Variants in CDHR2 observed in about 807,000 individuals in gnomAD.
CDHR2 encodes the protein cadherin related family member 2.
In CDHR2, 104 loss-of-function variants were observed where a neutral mutation model predicts 138.6. The ratio of observed to expected loss-of-function variants is 0.75; its 90% CI spans 0.64 to 0.88. The LOEUF is 0.88. Ranked by LOEUF, CDHR2 falls within the 40% of genes least tolerant of loss-of-function variation. The pLI, the probability that CDHR2 is intolerant of heterozygous loss-of-function variation, is 0.00. For synonymous variants in CDHR2, 755 were observed against 742.8 expected (o/e 1.02, Z -0.27); for missense variants, 1,624 against 1,727.6 (o/e 0.94, Z 1.06).
At chr5:176,568,571 C>T (rs1758133852) in intron 3 of CDHR2, 107 bp from the exon 4 acceptor site, 2 of 1,293,382 alleles carry the variant, frequency 1.5e-6, no homozygotes, top group South Asian at 1.4e-5. Flanking sequence ...CAAGTCAAGC[C>T]TGTGTACAGG....
At chr5:176,567,884 C>G (rs1016731932) in intron 3 of CDHR2, among the ~76,000 whole-genome samples, 1 of 152,250 alleles carries the variant, frequency 6.6e-6, no homozygotes, top group Non-Finnish European at 1.5e-5. Flanking sequence ...CCATCTCAGC[C>G]TCCCGGAGTG....
Position 176,576,746 on chromosome 5 carries a change from T to G in CDHR2, c.1194+561T>G, listed in dbSNP as rs1758391835. On this transcript the variant is annotated intron_variant, in intron 12 of 31. Transcript: ENST00000261944. The surrounding 1 kb of genome is among the most constrained non-coding windows in gnomAD (Gnocchi z 4.5). ...TGTGCACCACCTCGCCCAGCTAATTTTTGTGTTTTTAGTAGAGATGGAGTT... is the reference window on the plus strand; with the variant it reads ...TGTGCACCACCTCGCCCAGCTAATTGTTGTGTTTTTAGTAGAGATGGAGTT... Among the ~76,000 whole-genome samples, 1 of 151,886 alleles carries G rather than the reference T, an allele frequency of 6.6e-6. No individual in the cohort carries two copies. The highest frequency in any genetic ancestry group is 2.1e-4 in the South Asian group (1 of 4,814).
At chr5:176,568,926 C>T in intron 4 of CDHR2, 34 bp from the exon 5 acceptor site, 1 of 1,613,146 alleles carries the variant, frequency 6.2e-7, no homozygotes, top group Non-Finnish European at 8.5e-7. Context: ...CCAGCGGGGG[C>T]TCACCACCGG....
Position 176,590,265 on chromosome 5 carries a change from C to T in CDHR2, c.3288C>T (p.His1096=), listed in dbSNP as rs753118943. 3.7e-6 allele frequency: 6 copies of T among 1,614,088 alleles called. No individual in the cohort carries two copies. The Admixed American group carries it at 1.0e-4, about 27-fold the overall frequency. Reference sequence around the variant, plus strand: ...TGTCCCGCTCCAGGGCCCGACCTCACTCCTACCTCGATGCCTACTTTGTCT... The same window carrying T: ...TGTCCCGCTCCAGGGCCCGACCTCATTCCTACCTCGATGCCTACTTTGTCT... ...DIDSAARARP[H]SYLDAYFVFP... The change falls in exon 26 of 32, where the codon CAC becomes CAT. Residue 1096 remains histidine (H), a synonymous_variant. Transcript: ENST00000261944.
chr5:176,591,556 GTGTTGGTGGTGATGA>G (rs1758847349), intron 30 of CDHR2, 72 bp downstream of exon 30: 2 of 1,118,046 alleles, frequency 1.8e-6, no homozygotes, highest in Non-Finnish European at 1.4e-6. Context: ...GGTGGTGATG[GTGTTGGTGGTGATGA>G]TGGTGATGAC....
intron 7 of CDHR2, 140 bp downstream of exon 7, chr5:176,574,312 C>T: frequency 1.5e-6 from 1 of 650,102 alleles, no homozygotes; most frequent in South Asian, 1.9e-5. Flanking sequence ...CGTCCTCTGG[C>T]CACCAGCCCC....
At chr5:176,562,629 T>C (rs1757990747) in intron 1 of CDHR2, among the ~76,000 whole-genome samples, 1 of 152,116 alleles carries the variant, frequency 6.6e-6, no homozygotes, top group Non-Finnish European at 1.5e-5. Context: ...CTTGGTAGTG[T>C]TAACTTTTTT....
chr5:176,579,794 G>A (rs563988332), intron 16 of CDHR2, among the ~76,000 whole-genome samples: 2 of 152,296 alleles, frequency 1.3e-5, no homozygotes, highest in East Asian at 1.9e-4. Flanking sequence ...GGCCACGTTT[G>A]CTGAGCACTT....
intron 26 of CDHR2, 23 bp downstream of exon 26, chr5:176,590,353 C>A: frequency 6.2e-7 from 1 of 1,614,144 alleles, no homozygotes; most frequent in Non-Finnish European, 8.5e-7. Flanking sequence ...GCCCTTGGGG[C>A]AGGTGTGAGG....
At chr5:176,583,508 C>A (rs1758573113) in intron 17 of CDHR2, among the ~76,000 whole-genome samples, 2 of 152,220 alleles carry the variant, frequency 1.3e-5, no homozygotes, top group Admixed American at 1.3e-4. Context: ...GTGCTCAGGG[C>A]ATCCCCCAAG....
chr5:176,590,112 A>T lies in CDHR2; in HGVS notation c.3241A>T (p.Ile1081Phe). Residue 1081 changes from isoleucine (I) to phenylalanine (F), a missense_variant, in exon 25 of 32, where the codon ATT becomes TTT. Physicochemically the swap from Ile to Phe is conservative, Grantham distance 21. This residue lies in a region of CDHR2 where 556 missense variants were observed against 565.7 expected (regional missense o/e 0.98). Coordinates refer to ENST00000261944, the MANE Select transcript of CDHR2 (RefSeq NM_017675.6). The part of the protein sequence containing the change: ...LTQATRTTVY[I>F]VDIQDIDSAA... ...CCAGGCAACCAGGACTACAGTATAC[A>T]TTGTGGACATTCAGGACATAGATTC... 6.2e-7 allele frequency: 1 copy of T among 1,613,832 alleles called. No individual in the cohort carries two copies. The highest frequency in any genetic ancestry group is 8.5e-7 in the Non-Finnish European group (1 of 1,179,960).
intron 6 of CDHR2, among the ~76,000 whole-genome samples, chr5:176,573,186 G>A (rs1758275283): frequency 6.6e-6 from 1 of 152,100 alleles, no homozygotes; most frequent in Non-Finnish European, 1.5e-5. Context: ...GAGGGGGAGG[G>A]TGAGGAGGAG....
Position 176,565,409 on chromosome 5 carries a change from G to T in CDHR2, c.52+5G>T, listed in dbSNP as rs2113278553. 6.2e-7 allele frequency: 1 copy of T among 1,613,804 alleles called. No homozygotes were observed. The highest frequency in any genetic ancestry group is 8.5e-7 in the Non-Finnish European group (1 of 1,179,780). ...TTCCTGCCCTCGTGGTGTCTGGTAG[G>T]TGTCTCCCCTCCCCAGCCACGCAGC... is the stretch of plus-strand genomic sequence containing the variant. On this transcript the variant is annotated splice_donor_5th_base_variant and intron_variant, in intron 2 of 31. Coordinates refer to ENST00000261944, the MANE Select transcript of CDHR2 (RefSeq NM_017675.6).
chr5:176,581,700 C>T (rs1031607607), intron 17 of CDHR2, 118 bp downstream of exon 17: 30 of 1,331,712 alleles, frequency 2.3e-5, no homozygotes, highest in Non-Finnish European at 2.8e-5. Flanking sequence ...CAATCCCGCT[C>T]ACTCGTATGG....
At chr5:176,586,708 A>G in intron 20 of CDHR2, 85 bp from the exon 21 acceptor site, 1 of 1,258,078 alleles carries the variant, frequency 7.9e-7, no homozygotes, top group Non-Finnish European at 1.1e-6. Context: ...TAGGGGGATG[A>G]GCCCTGAGCT....
At chr5:176,551,889 A>C (rs1232225488) in intron 1 of CDHR2, among the ~76,000 whole-genome samples, 3 of 141,784 alleles carry the variant, frequency 2.1e-5, no homozygotes, top group Non-Finnish European at 4.7e-5. Context: ...TTTTTTGGGG[A>C]ACTTTTAGTA....
exon 1 of CDHR2, chr5:176,542,525 C>G (rs1235835671): frequency 6.6e-6 from 1 of 152,198 alleles, no homozygotes; most frequent in African/African-American, 2.4e-5. Context: ...GGGGCAGGAA[C>G]CGTCACATTG....
At chr5:176,567,889 G>A (rs975331105) in intron 3 of CDHR2, among the ~76,000 whole-genome samples, 4 of 152,210 alleles carry the variant, frequency 2.6e-5, no homozygotes, top group African/African-American at 9.7e-5. Flanking sequence ...TCAGCCTCCC[G>A]GAGTGCGGGG....
chr5:176,589,511 G>A lies in CDHR2; in HGVS notation c.3118-17G>A. 1 of 1,613,898 alleles carries A rather than the reference G, an allele frequency of 6.2e-7. No homozygotes were observed. Among genetic ancestry groups the A allele is most frequent in the African/African-American group, 1.3e-5 (1 of 75,016 alleles). On this transcript the variant is annotated splice_polypyrimidine_tract_variant and intron_variant, in intron 23 of 31. Transcript: ENST00000261944. ...CAGGGTCCCTGGTGCCTCATCTCCT[G>A]CACACCCCCTTCCCAGCTCTTCACC...
Sources: allele counts gnomAD v4.1 joint callset (sites outside exome capture counted in the v4.1 genomes callset), GRCh38; gene constraint gnomAD v4.1.1; regional missense constraint gnomAD v4.1.1; non-coding constraint Gnocchi (gnomAD v3.1); transcripts MANE v1.5; gene names NCBI Gene and HGNC (gene_info 2026-07-23, HGNC 2026-07-21).